CSMD1: variants seen among roughly 807,000 people sequenced by gnomAD.
CSMD1 encodes the protein CUB and Sushi multiple domains 1.
In CSMD1, 213 loss-of-function variants were observed where a neutral mutation model predicts 417.5. The ratio of observed to expected loss-of-function variants is 0.51; its 90% CI spans 0.46 to 0.57. CSMD1 has a LOEUF of 0.57. CSMD1 is among the 20% of genes least tolerant of loss of function. CSMD1 has a pLI of 0.00. For missense variants in CSMD1, 6,923 were observed against 4,529.7 expected, an observed-to-expected ratio of 1.53 and a Z score of -15.17; for synonymous variants, 2,862 against 1,736.8, an observed-to-expected ratio of 1.65 and a Z score of -16.11.
chr8:3,775,657 T>C (rs1425615127), intron 5 of CSMD1, among the ~76,000 whole-genome samples: 2 of 152,208 alleles, frequency 1.3e-5, no homozygotes, highest in Non-Finnish European at 2.9e-5. Context: ...TCATAGATTG[T>C]CGGGGAGAGA....
chr8:2,983,256 G>A (rs147358867), intron 54 of CSMD1, among the ~76,000 whole-genome samples: 1,674 of 151,730 alleles, frequency 0.011, 44 homozygotes, highest in African/African-American at 0.038. Flanking sequence ...GCACAATCTC[G>A]GCTCACTGCA....
intron 3 of CSMD1, among the ~76,000 whole-genome samples, chr8:4,200,536 T>C (rs1392824812): frequency 6.6e-6 from 1 of 152,134 alleles, no homozygotes; most frequent in Non-Finnish European, 1.5e-5. Context: ...TATATTAATA[T>C]AAATGCCTGC....
chr8:3,812,914 G>A (rs1394788443), intron 5 of CSMD1, among the ~76,000 whole-genome samples: 2 of 152,124 alleles, frequency 1.3e-5, no homozygotes, highest in Middle Eastern at 3.2e-3. Context: ...GTGATAATGT[G>A]TTTTGTCCTC....
intron 50 of CSMD1, among the ~76,000 whole-genome samples, chr8:3,043,392 T>C (rs965812812): frequency 1.1e-4 from 16 of 152,030 alleles, no homozygotes; most frequent in African/African-American, 3.6e-4. Context: ...TAGCGATAGG[T>C]TTCTATGACC....
chr8:2,938,712 G>C lies in CSMD1; in HGVS notation c.10568C>G (p.Ala3523Gly). 6.2e-7 allele frequency: 1 copy of C among 1,611,072 alleles called. No homozygotes were observed. Among genetic ancestry groups the C allele is most frequent in the Non-Finnish European group, 8.5e-7 (1 of 1,178,492 alleles). ...TRPKVQYNGYAGHENSNGQAS... is the reference protein window; with the variant it reads ...TRPKVQYNGYGGHENSNGQAS... ...TTGTCCATTGCTGTTTTCATGCCCA[G>C]CATAGCCATTGTATTGAACTTTTGG... Residue 3523 changes from alanine to glycine, a missense_variant, in exon 70 of 70, where the codon GCT becomes GGT. Transcript: ENST00000635120.
chr8:3,914,404 G>C (rs1444259715), intron 5 of CSMD1, among the ~76,000 whole-genome samples: 4 of 152,104 alleles, frequency 2.6e-5, no homozygotes, highest in African/African-American at 9.7e-5. Context: ...AAGATGTTTG[G>C]TGCAAGAAAG....
intron 2 of CSMD1, among the ~76,000 whole-genome samples, chr8:4,579,350 ACG>A (rs1799301487): frequency 6.6e-6 from 1 of 151,424 alleles, no homozygotes; most frequent in African/African-American, 2.4e-5. Flanking sequence ...ATATACACAC[ACG>A]TGTGTGTGTG....
At chr8:4,383,714 G>A (rs80356451) in intron 3 of CSMD1, among the ~76,000 whole-genome samples, 12,707 of 152,036 alleles carry the variant, frequency 0.084, 696 homozygotes, top group South Asian at 0.19. Context: ...TAAAAACCCT[G>A]TCCCATGAGA....
rs142504933 is a variant in CSMD1, at chr8:3,494,593, T to C, written c.1345-867A>G. Among the ~76,000 whole-genome samples, 176 of 148,514 alleles carry C rather than the reference T, an allele frequency of 1.2e-3. 1 individual carries two copies. Among genetic ancestry groups the C allele is most frequent in the African/African-American group, 4.0e-3 (162 of 40,318 alleles). ...ATAGATAGATAGATAGATAGATAGA[T>C]AGATAGATAGATAGATGACAGATAG... On this transcript the variant is annotated intron_variant, in intron 10 of 69. Coordinates refer to ENST00000635120, the MANE Select transcript of CSMD1 (RefSeq NM_033225.6).
intron 3 of CSMD1, among the ~76,000 whole-genome samples, chr8:4,214,470 G>T (rs960469304): frequency 4.6e-5 from 7 of 152,050 alleles, no homozygotes; most frequent in Non-Finnish European, 8.8e-5. Flanking sequence ...GCTAATGTTT[G>T]TATTTTTGGT....
chr8:3,279,611 T>A (rs149986727), intron 26 of CSMD1, among the ~76,000 whole-genome samples: 297 of 152,224 alleles, frequency 2.0e-3, no homozygotes, highest in African/African-American at 6.7e-3. Context: ...TCTGCTCTCA[T>A]GCAGCTAATA....
At chr8:3,427,599 T>C (rs1455380777) in intron 12 of CSMD1, among the ~76,000 whole-genome samples, 1 of 152,196 alleles carries the variant, frequency 6.6e-6, no homozygotes, top group Non-Finnish European at 1.5e-5. Context: ...AACAATCTAT[T>C]TGACCATACT....
At chr8:4,471,222 C>G (rs890105229) in intron 2 of CSMD1, among the ~76,000 whole-genome samples, 2 of 152,120 alleles carry the variant, frequency 1.3e-5, no homozygotes, top group Non-Finnish European at 2.9e-5. Flanking sequence ...GAAAAAGTCT[C>G]GTGTTCCCCA....
intron 3 of CSMD1, among the ~76,000 whole-genome samples, chr8:4,087,916 G>A (rs373010971): frequency 3.3e-5 from 5 of 152,102 alleles, no homozygotes; most frequent in East Asian, 3.9e-4. Context: ...GGATGCCTGA[G>A]GTCAAAATTT....
intron 1 of CSMD1, among the ~76,000 whole-genome samples, chr8:4,848,428 A>C (rs964891020): frequency 9.8e-5 from 15 of 152,340 alleles, no homozygotes; most frequent in Middle Eastern, 6.8e-3. Flanking sequence ...TGGTCTTCCA[A>C]CATTGTAACG....
intron 6 of CSMD1, among the ~76,000 whole-genome samples, chr8:3,746,710 C>A (rs143371524): frequency 3.7e-4 from 56 of 152,222 alleles, no homozygotes; most frequent in African/African-American, 1.3e-3. Flanking sequence ...ATAATTACAA[C>A]TAATATTTAA....
At chr8:4,105,999 T>C (rs377503299) in intron 3 of CSMD1, among the ~76,000 whole-genome samples, 3 of 152,248 alleles carry the variant, frequency 2.0e-5, no homozygotes, top group African/African-American at 7.2e-5. Flanking sequence ...GAGCAGGAGA[T>C]TGCATCTTCG....
At chr8:3,846,723 C>A (rs560983450) in intron 5 of CSMD1, among the ~76,000 whole-genome samples, 2 of 152,036 alleles carry the variant, frequency 1.3e-5, no homozygotes, top group African/African-American at 2.4e-5. Context: ...AGTGGTGCAA[C>A]CTTGACTCAC....
chr8:3,083,644 ATATATTTTTTTTTTTTTTTTTTT>A (rs1814300183), intron 49 of CSMD1, among the ~76,000 whole-genome samples: 4 of 19,808 alleles, frequency 2.0e-4, no homozygotes, highest in Admixed American at 1.1e-3. Flanking sequence ...ATATATATAT[ATATATTTTTTTTTTTTTTTTTTT>A]TTTTTTTTTT....
Sources: gnomAD v4.1 joint callset for allele counts (sites outside exome capture counted in the v4.1 genomes callset) on GRCh38, gnomAD v4.1.1 for gene constraint, MANE v1.5 for transcripts, NCBI Gene and HGNC (gene_info 2026-07-23, HGNC 2026-07-21) for gene names.